The following PRKCZ variants were observed in gnomAD, a reference collection of about 807,000 sequenced individuals.
PRKCZ encodes the protein protein kinase C zeta type.
A neutral mutation model predicts 79.5 loss-of-function variants in PRKCZ; 33 were observed. The observed-to-expected ratio is 0.41, with a 90% CI of 0.31 to 0.55. PRKCZ has a LOEUF of 0.55. Among genes scored for constraint, PRKCZ ranks in the 20% least tolerant of loss-of-function variants. PRKCZ has a pLI of 0.19. For synonymous variants in PRKCZ, 342 were observed against 320.9 expected (o/e 1.07, Z -0.70); for missense variants, 578 against 813.5 (o/e 0.71, Z 3.52).
chr1:2,068,599 C>A (rs1054175178), intron 4 of PRKCZ, among the ~76,000 whole-genome samples: 1 of 152,212 alleles, frequency 6.6e-6, no homozygotes, highest in South Asian at 2.1e-4. Context: ...AGGAGGGTCA[C>A]GCTCACAGCT....
rs1363924495 is a variant in PRKCZ at position 2,121,666 on chromosome 1, TCGTGGTGGTGG to T, written c.335-13595_335-13585del. Reference sequence around the variant, plus strand: ...GTTAGGGTCACGGTGGTGGTTAGGGTCGTGGTGGTGGTTAGGGTCACGGTGGTGGTTAGGGT... The same window carrying T: ...GTTAGGGTCACGGTGGTGGTTAGGGTTTAGGGTCACGGTGGTGGTTAGGGT... On this transcript the variant is annotated intron_variant, in intron 4 of 17. Transcript: ENST00000378567. Among the ~76,000 whole-genome samples the T allele has an allele frequency of 1.1e-3, 145 of 136,066 alleles. 24 individuals are homozygous for T. The highest frequency in any genetic ancestry group is 4.0e-3 in the African/African-American group (131 of 33,162). 89.3% of individuals were successfully genotyped at this position (136,066 alleles called of 152,430 possible).
chr1:2,148,851 C>T, intron 7 of PRKCZ, 21 bp from the exon 8 acceptor site: 1 of 1,613,336 alleles, frequency 6.2e-7, no homozygotes, highest in Non-Finnish European at 8.5e-7. Context: ...AACGCCCCTT[C>T]CTTCCTCCCT....
chr1:2,133,002 C>T (rs1675300383), intron 4 of PRKCZ, among the ~76,000 whole-genome samples: 2 of 152,204 alleles, frequency 1.3e-5, no homozygotes, highest in Admixed American at 6.5e-5. Flanking sequence ...TTCGTCCCGG[C>T]GGGGACTGGG....
intron 5 of PRKCZ, chr1:2,143,372 T>C (rs1677806539): frequency 6.6e-6 from 1 of 152,126 alleles, no homozygotes; most frequent in African/African-American, 2.4e-5. Context: ...AGCTCTGTAA[T>C]AGGAAGGAAA....
At position 2,107,147 on chromosome 1, in the gene PRKCZ, C is replaced by T. The variant is rs7555276; in HGVS notation, c.335-28115C>T. ...TTCCTCGGGGTTCTGCGTCTGTGACCGGGGTGCGGAGCACTGGTGTGCAGT... is the reference window on the plus strand; with the variant it reads ...TTCCTCGGGGTTCTGCGTCTGTGACTGGGGTGCGGAGCACTGGTGTGCAGT... On this transcript the variant is annotated intron_variant, in intron 4 of 17. Coordinates refer to ENST00000378567, the MANE Select transcript of PRKCZ (RefSeq NM_002744.6). Among the ~76,000 whole-genome samples the T allele has an allele frequency of 2.0e-3, 302 of 152,358 alleles. 3 individuals are homozygous for T. The highest frequency in any genetic ancestry group is 6.8e-3 in the African/African-American group (284 of 41,584).
chr1:2,162,376 C>G (rs756669692), intron 10 of PRKCZ, among the ~76,000 whole-genome samples: 1 of 152,250 alleles, frequency 6.6e-6, no homozygotes, highest in African/African-American at 2.4e-5. Context: ...AAGTGATCCA[C>G]CTGCCTGGGC....
intron 4 of PRKCZ, among the ~76,000 whole-genome samples, chr1:2,132,005 G>A (rs1441483368): frequency 6.6e-6 from 1 of 152,150 alleles, no homozygotes; most frequent in African/African-American, 2.4e-5. Context: ...TAGAGACGGG[G>A]TTTCACCGTG....
rs78556921 is a variant in PRKCZ, at chr1:2,124,871, G to A, written c.335-10391G>A. On this transcript the variant is annotated intron_variant, in intron 4 of 17. Coordinates refer to ENST00000378567, the MANE Select transcript of PRKCZ (RefSeq NM_002744.6). Reference sequence around the variant, plus strand: ...TTGTCTGGTCTCGGATGCCTCCAACGCGGTTTTTACTTATTTTCCAGCTTT... The same window carrying A: ...TTGTCTGGTCTCGGATGCCTCCAACACGGTTTTTACTTATTTTCCAGCTTT... 3.2e-3 allele frequency among the ~76,000 whole-genome samples: 481 copies of A among 152,220 alleles called. 12 individuals are homozygous for A. In the East Asian group the frequency reaches 0.066, roughly 21 times the overall value.
At chr1:2,093,506 G>T (rs1376499452) in intron 4 of PRKCZ, among the ~76,000 whole-genome samples, 1 of 152,178 alleles carries the variant, frequency 6.6e-6, no homozygotes, top group Non-Finnish European at 1.5e-5. Context: ...GCGAAAGGCA[G>T]GGTGGGGGTC....
At position 2,174,202 on chromosome 1, in the gene PRKCZ, C is replaced by G. The variant is rs536613400; in HGVS notation, c.1405+186C>G. 6.6e-6 allele frequency among the ~76,000 whole-genome samples: 1 copy of G among 152,190 alleles called. No homozygotes were observed. Among genetic ancestry groups the G allele is most frequent in the Non-Finnish European group, 1.5e-5 (1 of 68,022 alleles). On this transcript the variant is annotated intron_variant, in intron 14 of 17. Coordinates refer to ENST00000378567, the MANE Select transcript of PRKCZ (RefSeq NM_002744.6). This position sits in a 1 kb window ranked among gnomAD's most constrained non-coding sequence, Gnocchi z 6.2. ...CTCCCCGGGCCGTGGGGTGGGGTTA[C>G]CACACCTGTGGGTCAGCAGGAAAGA...
At chr1:2,120,293 GTTTTTTTTTTTTTTTTTT>G (rs59518072) in intron 4 of PRKCZ, among the ~76,000 whole-genome samples, 3 of 32,842 alleles carry the variant, frequency 9.1e-5, no homozygotes, top group African/African-American at 2.4e-4. Flanking sequence ...TTGACTTTTC[GTTTTTTTTTTTTTTTTTT>G]TTTTTTTTTT....
chr1:2,164,503 G>A (rs1176081119), intron 10 of PRKCZ, among the ~76,000 whole-genome samples: 6 of 152,152 alleles, frequency 3.9e-5, no homozygotes, highest in Non-Finnish European at 8.8e-5. Flanking sequence ...GCATAGGGTG[G>A]GTGTCTGGAT....
At chr1:2,166,472 T>A (rs769312892) in intron 10 of PRKCZ, among the ~76,000 whole-genome samples, 9 of 152,162 alleles carry the variant, frequency 5.9e-5, no homozygotes, top group Non-Finnish European at 8.8e-5. Flanking sequence ...CCGCCTCCCA[T>A]CTGGGCTCTG....
intron 4 of PRKCZ, among the ~76,000 whole-genome samples, chr1:2,071,056 G>T (rs1482181669): frequency 6.6e-6 from 1 of 152,064 alleles, no homozygotes; most frequent in Non-Finnish European, 1.5e-5. Context: ...CAGTACACCT[G>T]GGCGTGCGAC....
chr1:2,062,801 TAAA>T lies in PRKCZ; in HGVS notation c.334+3212_334+3214del, dbSNP rs61282504. On this transcript the variant is annotated intron_variant, in intron 4 of 17. Transcript: ENST00000378567. The stretch of plus-strand genomic sequence containing the variant: ...CCGAGCCTGTCCCCATCTTAGCCAT[TAAA>T]ATTTAAAGGTTCAATTCACTGGTAT... 0.011 allele frequency among the ~76,000 whole-genome samples: 1,636 copies of T among 152,104 alleles called. 135 individuals are homozygous for T. The East Asian group carries it at 0.21, about 19-fold the overall frequency.
chr1:2,074,360 G>C, intron 4 of PRKCZ: 5 of 1,523,730 alleles, frequency 3.3e-6, no homozygotes, highest in East Asian at 2.5e-5. Context: ...TCTTGGGCTC[G>C]TCTGCCTGCC....
chr1:2,135,835 T>A (rs1194338306), intron 5 of PRKCZ, among the ~76,000 whole-genome samples: 5 of 152,232 alleles, frequency 3.3e-5, no homozygotes, highest in African/African-American at 1.2e-4. Context: ...AGAGGACACT[T>A]AGCTTATTTT....
At chr1:2,171,793 T>A (rs1166012282) in intron 11 of PRKCZ, 2 of 478,788 alleles carry the variant, frequency 4.2e-6, no homozygotes. Flanking sequence ...ATTTGCCCGC[T>A]CCTCCCCTTG....
chr1:2,170,713 G>A (rs1684261881), intron 11 of PRKCZ, among the ~76,000 whole-genome samples: 2 of 152,194 alleles, frequency 1.3e-5, no homozygotes, highest in Non-Finnish European at 2.9e-5. Flanking sequence ...TCTGATTCGA[G>A]GACTCTAGGG....
Sources: allele counts gnomAD v4.1 joint callset (sites outside exome capture counted in the v4.1 genomes callset), GRCh38; gene constraint gnomAD v4.1.1; non-coding constraint Gnocchi (gnomAD v3.1); transcripts MANE v1.5; gene names NCBI Gene and HGNC (gene_info 2026-07-23, HGNC 2026-07-21).